Variants in TRIOBP observed in about 807,000 individuals in gnomAD.
TRIOBP encodes TRIO and F-actin binding protein, also known as TRIO and F-actin-binding protein.
A neutral mutation model predicts 238.8 loss-of-function variants in TRIOBP; 169 were observed. The ratio of observed to expected loss-of-function variants is 0.71; its 90% CI spans 0.62 to 0.80. The LOEUF is 0.80. TRIOBP is among the 30% of genes least tolerant of loss of function. The pLI is 0.00. For missense variants in TRIOBP, 2,838 were observed against 3,122.6 expected, an observed-to-expected ratio of 0.91 and a Z score of 2.17; for synonymous variants, 1,150 against 1,274.4, an observed-to-expected ratio of 0.90 and a Z score of 2.08.
At chr22:37,759,550 AG>A in intron 17 of TRIOBP, 1 of 1,600,216 alleles carries the variant, frequency 6.2e-7, no homozygotes, top group Admixed American at 1.7e-5. Flanking sequence ...CTGACTGCAG[AG>A]CCTGTGTGTG....
At chr22:37,700,398 C>T (rs1385827561) in intron 2 of TRIOBP, among the ~76,000 whole-genome samples, 1 of 151,858 alleles carries the variant, frequency 6.6e-6, no homozygotes, top group Non-Finnish European at 1.5e-5. Flanking sequence ...CCACCTCTGC[C>T]TCCCGAGTAG....
chr22:37,771,826 C>T (rs1229008855), intron 22 of TRIOBP, 90 bp downstream of exon 22: 13 of 1,147,998 alleles, frequency 1.1e-5, no homozygotes, highest in Non-Finnish European at 1.7e-5. Context: ...CCAAGCCCTC[C>T]ACTCGCTTCA....
rs149808952 is a variant in TRIOBP at position 37,739,171 on chromosome 22, G to A, written c.5184+452G>A. Among the ~76,000 whole-genome samples the A allele has an allele frequency of 8.9e-4, 135 of 152,164 alleles. 1 individual carries two copies. The highest frequency in any genetic ancestry group is 2.7e-3 in the African/African-American group (113 of 41,490). ...TCCTGGAGGCGGGAGAGATATGTGCGGGGGTGGGACCCACGGATGCTGCTC... is the reference window on the plus strand; with the variant it reads ...TCCTGGAGGCGGGAGAGATATGTGCAGGGGTGGGACCCACGGATGCTGCTC... On this transcript the variant is annotated intron_variant, in intron 10 of 23. Coordinates refer to ENST00000644935, the MANE Select transcript of TRIOBP (RefSeq NM_001039141.3).
In TRIOBP at chr22:37,723,751, CG is replaced by C; in HGVS notation, c.1196del (p.Arg399GlnfsTer480). 6.6e-7 allele frequency: 1 copy of C among 1,515,214 alleles called. No homozygotes were observed. Among genetic ancestry groups the C allele is most frequent in the Non-Finnish European group, 8.9e-7 (1 of 1,124,994 alleles). The allele number at this position is 1,515,214 out of a possible 1,614,324, so 93.9% of individuals were successfully genotyped here. A position where few individuals can be genotyped will look rare whatever the true frequency, so the allele number is the denominator to read the frequency against. On this transcript the variant is annotated frameshift_variant, in exon 7 of 24. Transcript: ENST00000644935. LOFTEE classifies it high-confidence loss of function. ...RASSPNRTTQ[R>X]ENSRTSCAQR... is the part of the protein sequence containing the mutation. ...CTCCTCTCCCAACAGAACCACTCAA[CG>C]AGAGAATTCCAGAACATCCTGTGCC...
At chr22:37,739,462 A>G (rs1403580444) in intron 10 of TRIOBP, among the ~76,000 whole-genome samples, 1 of 152,096 alleles carries the variant, frequency 6.6e-6, no homozygotes, top group African/African-American at 2.4e-5. Flanking sequence ...CCCTGCCGTG[A>G]GTCAAAGCTG....
At chr22:37,753,890 C>T (rs562012370) in intron 12 of TRIOBP, among the ~76,000 whole-genome samples, 7 of 152,292 alleles carry the variant, frequency 4.6e-5, no homozygotes, top group South Asian at 4.1e-4. Flanking sequence ...GGGCGGGCCG[C>T]GACTGGCATT....
chr22:37,723,203 G>A lies in TRIOBP; in HGVS notation c.647G>A (p.Arg216Gln), dbSNP rs745717499. 67 of 1,613,642 alleles carry A rather than the reference G, an allele frequency of 4.2e-5. No homozygotes were observed. In the Admixed American group the frequency reaches 6.0e-4, roughly 14 times the overall value. Residue 216 changes from arginine to glutamine, a missense_variant, in exon 7 of 24, where the codon CGG becomes CAG. This residue lies in a region of TRIOBP where 535 missense variants were observed against 537.3 expected (regional missense o/e 1.00). Transcript: ENST00000644935. The part of the protein sequence containing the change: ...QKKEDTGGGG[R>Q]SAGQHWARLR... ...TCTCCAGACACCGGCGGTGGGGGCC[G>A]GAGCGCAGGACAGCACTGGGCAAGG...
chr22:37,751,716 A>G, intron 11 of TRIOBP, 56 bp from the exon 12 acceptor site: 2 of 1,596,258 alleles, frequency 1.3e-6, no homozygotes, highest in South Asian at 2.2e-5. Flanking sequence ...TCCCCTCACC[A>G]GCCCCCATTG....
intron 5 of TRIOBP, among the ~76,000 whole-genome samples, chr22:37,715,039 G>A (rs897112887): frequency 1.3e-4 from 20 of 152,050 alleles, no homozygotes; most frequent in African/African-American, 4.6e-4. Flanking sequence ...TTTTGAGATG[G>A]AGTCTTGCTC....
rs761830009 is a variant in TRIOBP, at chr22:37,734,634, C to T, written c.4298C>T (p.Pro1433Leu). The T allele has an allele frequency of 5.5e-5, 87 of 1,589,178 alleles. No individual in the cohort carries two copies. Among genetic ancestry groups the T allele is most frequent in the Non-Finnish European group, 6.8e-5 (79 of 1,168,414 alleles). The change falls in exon 9 of 24, where the codon CCG (proline) becomes CTG (leucine). Residue 1433 changes from proline (P) to leucine (L), a missense_variant. By Grantham distance (98) the Pro-to-Leu change is moderately conservative. Around this residue, in one of 5 missense-constraint regions of TRIOBP, gnomAD observed 2,096 missense variants for 2,137.4 expected, o/e 0.98. Coordinates refer to ENST00000644935, the MANE Select transcript of TRIOBP (RefSeq NM_001039141.3). ...PLGVWQSQEE[P>L]PGSQGPHRHL... ...GGGGTGTGGCAGAGTCAGGAGGAAC[C>T]GCCAGGGTCCCAGGGCCCTCATAGA...
chr22:37,756,524 A>G (rs759816294), intron 15 of TRIOBP, among the ~76,000 whole-genome samples: 5 of 152,254 alleles, frequency 3.3e-5, no homozygotes. Flanking sequence ...ACTCTGAAGC[A>G]CTGTGCAGTT....
At chr22:37,773,184 G>C (rs528824447) in intron 23 of TRIOBP, among the ~76,000 whole-genome samples, 4 of 116,548 alleles carry the variant, frequency 3.4e-5, no homozygotes, top group East Asian at 2.0e-4. Flanking sequence ...AAAGTGGTTG[G>C]TTGGTTGGTT....
At chr22:37,709,690 C>G (rs1473045068) in intron 3 of TRIOBP, among the ~76,000 whole-genome samples, 1 of 152,162 alleles carries the variant, frequency 6.6e-6, no homozygotes, top group Non-Finnish European at 1.5e-5. Context: ...TGGGGGGGGC[C>G]CTGGAGGTGA....
intron 17 of TRIOBP, chr22:37,759,544 C>T (rs1177418110): frequency 8.7e-6 from 14 of 1,600,894 alleles, no homozygotes; most frequent in Non-Finnish European, 1.2e-5. Context: ...GTCCGGCTGA[C>T]TGCAGAGCCT....
chr22:37,744,156 G>A (rs1925100207), intron 11 of TRIOBP, among the ~76,000 whole-genome samples: 1 of 151,758 alleles, frequency 6.6e-6, no homozygotes, highest in South Asian at 2.1e-4. Context: ...TCACAGCCAT[G>A]TGCCACCACG....
At chr22:37,734,081 G>A (rs954937705) in intron 8 of TRIOBP, among the ~76,000 whole-genome samples, 5 of 152,206 alleles carry the variant, frequency 3.3e-5, no homozygotes, top group East Asian at 1.9e-4. Context: ...GGCTAGGCCC[G>A]CCTCAGTGGA....
chr22:37,709,246 G>A (rs1894533), intron 3 of TRIOBP, among the ~76,000 whole-genome samples: 37,065 of 152,184 alleles, frequency 0.24, 5,445 homozygotes, highest in South Asian at 0.4. Flanking sequence ...TGCCGACCAG[G>A]CTGCTGCCTT....
chr22:37,746,402 C>T (rs1429106698), intron 11 of TRIOBP: 2 of 1,413,724 alleles, frequency 1.4e-6, no homozygotes, highest in South Asian at 2.7e-5. Context: ...TCCCGCCGCC[C>T]TGGGGCGCCG....
At chr22:37,713,624 G>A (rs1314047817) in intron 5 of TRIOBP, among the ~76,000 whole-genome samples, 1 of 152,238 alleles carries the variant, frequency 6.6e-6, no homozygotes, top group Non-Finnish European at 1.5e-5. Context: ...CTGGGGTCTG[G>A]CTGTGAAAAG....
Sources: gnomAD v4.1 joint callset for allele counts (sites outside exome capture counted in the v4.1 genomes callset) on GRCh38, gnomAD v4.1.1 for gene constraint, gnomAD v4.1.1 regional missense constraint, MANE v1.5 for transcripts, NCBI Gene and HGNC (gene_info 2026-07-23, HGNC 2026-07-21) for gene names.